RNF220: variants seen among roughly 807,000 people sequenced by gnomAD.
RNF220 encodes the protein E3 ubiquitin-protein ligase RNF220.
A neutral mutation model predicts 67.1 loss-of-function variants in RNF220; 7 were observed. The observed-to-expected ratio is 0.10, with a 90% CI of 0.06 to 0.20. The LOEUF (loss-of-function observed/expected upper bound fraction) is 0.20. Ranked by LOEUF, RNF220 falls within the 10% of genes least tolerant of loss-of-function variation. The probability of loss-of-function intolerance (pLI) is 1.00; values close to 1 mark genes in which losing one functional copy is unlikely to be tolerated. For missense variants in RNF220, 565 were observed against 740.3 expected (o/e 0.76, Z 2.75); for synonymous variants, 270 against 283.2 (o/e 0.95, Z 0.47).
intron 12 of RNF220, among the ~76,000 whole-genome samples, chr1:44,647,734 C>T (rs1274245835): frequency 2.0e-5 from 3 of 152,202 alleles, no homozygotes; most frequent in African/African-American, 4.8e-5. Context: ...TTACCACTCA[C>T]ATCCAGCAAT....
At chr1:44,607,563 T>G (rs935865489) in intron 2 of RNF220, among the ~76,000 whole-genome samples, 4 of 151,082 alleles carry the variant, frequency 2.6e-5, no homozygotes, top group African/African-American at 9.7e-5. Context: ...CTCAGCTCAC[T>G]GCAAGCTCCG....
intron 2 of RNF220, among the ~76,000 whole-genome samples, chr1:44,474,019 A>T (rs1176269500): frequency 6.6e-6 from 1 of 152,114 alleles, no homozygotes; most frequent in Non-Finnish European, 1.5e-5. Flanking sequence ...GTATTCACAG[A>T]TTCCGCATCC....
intron 2 of RNF220, among the ~76,000 whole-genome samples, chr1:44,552,563 C>CTTT (rs368891059): frequency 0.48 from 33,287 of 69,872 alleles, 12,180 homozygotes; most frequent in Non-Finnish European, 0.61. Context: ...TTCTAAACTT[C>CTTT]TTCTTTTTTT....
At chr1:44,476,471 A>G (rs1395827908) in intron 2 of RNF220, among the ~76,000 whole-genome samples, 1 of 152,232 alleles carries the variant, frequency 6.6e-6, no homozygotes, top group Non-Finnish European at 1.5e-5. Flanking sequence ...TCCAGAAACA[A>G]TGAGCTTAGC....
intron 2 of RNF220, among the ~76,000 whole-genome samples, chr1:44,587,621 A>G (rs1248813761): frequency 3.9e-5 from 6 of 152,062 alleles, no homozygotes; most frequent in African/African-American, 1.4e-4. Context: ...GCTGTAGTCT[A>G]GCTCTCTGGT....
At chr1:44,408,250 C>G (rs531803500) in intron 1 of RNF220, among the ~76,000 whole-genome samples, 3 of 152,196 alleles carry the variant, frequency 2.0e-5, no homozygotes, top group African/African-American at 7.2e-5. Flanking sequence ...TCCCGCGACC[C>G]CGCACTCTCG....
intron 2 of RNF220, among the ~76,000 whole-genome samples, chr1:44,591,856 C>T (rs1666138891): frequency 6.6e-6 from 1 of 152,062 alleles, no homozygotes; most frequent in African/African-American, 2.4e-5. Flanking sequence ...CCTTCTCTTG[C>T]CATCTGACAC....
Position 44,649,798 on chromosome 1 carries a change from T to C in RNF220, c.1554+29T>C. 1 of 1,613,686 alleles carries C rather than the reference T, an allele frequency of 6.2e-7. No homozygotes were observed. Among genetic ancestry groups the C allele is most frequent in the Non-Finnish European group, 8.5e-7 (1 of 1,179,674 alleles). ...AGTAGAAAAGAACCTAGGGGTGCCC[T>C]TGGTCAGGCTTCCACGCCCTCTGGG... is the stretch of plus-strand genomic sequence containing the variant. On this transcript the variant is annotated intron_variant, in intron 13 of 14. Transcript: ENST00000361799. The surrounding 1 kb of genome is among the most constrained non-coding windows in gnomAD (Gnocchi z 5.9).
intron 2 of RNF220, among the ~76,000 whole-genome samples, chr1:44,517,766 G>T (rs1407453325): frequency 1.3e-5 from 2 of 152,176 alleles, no homozygotes; most frequent in Non-Finnish European, 2.9e-5. Flanking sequence ...TGTTAAAAAG[G>T]AATATTAAAT....
intron 2 of RNF220, among the ~76,000 whole-genome samples, chr1:44,596,487 G>A (rs977001289): frequency 2.2e-5 from 3 of 135,026 alleles, no homozygotes; most frequent in Non-Finnish European, 5.1e-5. Flanking sequence ...ACTTGAACTC[G>A]AGAGGCGGAG....
intron 2 of RNF220, among the ~76,000 whole-genome samples, chr1:44,500,604 GAATT>G (rs1004604222): frequency 1.3e-5 from 2 of 152,178 alleles, no homozygotes; most frequent in Non-Finnish European, 2.9e-5. Flanking sequence ...AGTACTTGTT[GAATT>G]AATTAATTAA....
At chr1:44,610,471 A>G (rs1643243853) in intron 2 of RNF220, among the ~76,000 whole-genome samples, 1 of 151,954 alleles carries the variant, frequency 6.6e-6, no homozygotes, top group Admixed American at 6.5e-5. Flanking sequence ...TATCCCCACT[A>G]TGCTGCTCAG....
intron 2 of RNF220, among the ~76,000 whole-genome samples, chr1:44,609,371 G>A (rs751390624): frequency 6.6e-6 from 1 of 152,152 alleles, no homozygotes; most frequent in African/African-American, 2.4e-5. Flanking sequence ...AAGCAGAGGC[G>A]AGAATGGAAC....
intron 5 of RNF220, chr1:44,631,755 C>A: frequency 3.2e-6 from 1 of 311,676 alleles, no homozygotes; most frequent in Non-Finnish European, 4.7e-6. Context: ...GGAAGGAGCC[C>A]CGCAGCGGGA....
chr1:44,594,519 A>G (rs1316767326), intron 2 of RNF220, among the ~76,000 whole-genome samples: 1 of 152,160 alleles, frequency 6.6e-6, no homozygotes, highest in Non-Finnish European at 1.5e-5. Context: ...TAGACTGCCA[A>G]ATTGCTCTTT....
chr1:44,404,958 C>T (rs937721207), upstream of RNF220, among the ~76,000 whole-genome samples: 1 of 152,082 alleles, frequency 6.6e-6, no homozygotes, highest in African/African-American at 2.4e-5. Flanking sequence ...ACAACAAGCA[C>T]GAAACCATTC....
rs139098444 is a variant in RNF220 at position 44,597,281 on chromosome 1, A to G, written c.626-16884A>G. Among the ~76,000 whole-genome samples the G allele has an allele frequency of 2.9e-3, 440 of 152,296 alleles. 3 individuals are homozygous for G. Among genetic ancestry groups the G allele is most frequent in the African/African-American group, 1.0e-2 (415 of 41,552 alleles). On this transcript the variant is annotated intron_variant, in intron 2 of 14. Transcript: ENST00000361799. ...TGCTCCGTAATAATTTGGTGAATGA[A>G]TGGATAAATAAATGAATGAAGTAGC...
In RNF220 at chr1:44,645,135, G is replaced by T. The variant is rs1410097951; in HGVS notation, c.1310+54G>T. 1 of 1,612,596 alleles carries T rather than the reference G, an allele frequency of 6.2e-7. No homozygotes were observed. Among genetic ancestry groups the T allele is most frequent in the Non-Finnish European group, 8.5e-7 (1 of 1,178,760 alleles). On this transcript the variant is annotated intron_variant, in intron 10 of 14. Coordinates refer to ENST00000361799, the MANE Select transcript of RNF220 (RefSeq NM_018150.4). The surrounding 1 kb of genome is among the most constrained non-coding windows in gnomAD (Gnocchi z 5.0). ...GGAGCAGAGAAACAGGAAGCCCTGAGGCAGGGGTTAACGCAGTACTGACCC... is the reference window on the plus strand; with the variant it reads ...GGAGCAGAGAAACAGGAAGCCCTGATGCAGGGGTTAACGCAGTACTGACCC...
rs1380239191 is a variant in RNF220 at position 44,645,276 on chromosome 1, G to A, written c.1366G>A (p.Glu456Lys). 1.2e-6 allele frequency: 2 copies of A among 1,613,926 alleles called. No homozygotes were observed. Among genetic ancestry groups the A allele is most frequent in the Admixed American group, 1.7e-5 (1 of 59,990 alleles). ...TGAGTTCTCTAAATGGGCCAGTGAT[G>A]GTAAGTCCTGCCCCAGGTTAGGAGT... ...TPEFSKWASD[E>K]MPSTSNGESS... Residue 456 changes from glutamate (E) to lysine (K), a missense_variant and splice_region_variant, in exon 11 of 15, where the codon GAG becomes AAG. Physicochemically the swap from Glu to Lys is moderately conservative, Grantham distance 56 (BLOSUM62 1). Transcript: ENST00000361799. This position sits in a 1 kb window ranked among gnomAD's most constrained non-coding sequence, Gnocchi z 5.0.
Sources: gnomAD v4.1 joint callset for allele counts (sites outside exome capture counted in the v4.1 genomes callset) on GRCh38, gnomAD v4.1.1 for gene constraint, Gnocchi (gnomAD v3.1) non-coding constraint, MANE v1.5 for transcripts, NCBI Gene and HGNC (gene_info 2026-07-23, HGNC 2026-07-21) for gene names.